RNPEP: variants seen among roughly 807,000 people sequenced by gnomAD.
RNPEP encodes the protein arginyl aminopeptidase.
A neutral mutation model predicts 70.1 loss-of-function variants in RNPEP; 57 were observed. The ratio of observed to expected loss-of-function variants is 0.81; its 90% CI spans 0.66 to 1.01. RNPEP has a LOEUF of 1.01. Among genes scored for constraint, RNPEP ranks in the 50% least tolerant of loss-of-function variants. The pLI is 0.00. For missense variants in RNPEP, 787 were observed against 852.4 expected, an observed-to-expected ratio of 0.92 and a Z score of 0.96; for synonymous variants, 335 against 357.4, an observed-to-expected ratio of 0.94 and a Z score of 0.71.
chr1:201,988,397 G>A, intron 1 of RNPEP, among the ~76,000 whole-genome samples: 1 of 146,552 alleles, frequency 6.8e-6, no homozygotes, highest in East Asian at 2.0e-4. Flanking sequence ...GGTCGAGGTT[G>A]CAGTGAGCCG....
At position 201,996,262 on chromosome 1, in the gene RNPEP, A is replaced by C; in HGVS notation, c.853A>C (p.Arg285=). Residue 285 remains arginine, a splice_region_variant and synonymous_variant, in exon 4 of 11, where the codon AGG becomes CGG. Transcript: ENST00000295640. ...GCTTTTTGGACCTTATGTTTGGGGA[A>C]GGTGTGGTATCACATTGACTCTAGT... is the stretch of plus-strand genomic sequence containing the variant. The part of the protein sequence containing the change: ...EKLFGPYVWG[R]YDLLFMPPSF... The C allele has an allele frequency of 1.3e-6, 2 of 1,597,222 alleles. No individual in the cohort carries two copies. The highest frequency in any genetic ancestry group is 1.7e-6 in the Non-Finnish European group (2 of 1,164,578).
chr1:201,984,149 C>G (rs1461131695), intron 1 of RNPEP, among the ~76,000 whole-genome samples: 1 of 152,158 alleles, frequency 6.6e-6, no homozygotes, highest in Non-Finnish European at 1.5e-5. Context: ...TCAGGCTGGT[C>G]TCGAACTCCT....
intron 5 of RNPEP, among the ~76,000 whole-genome samples, chr1:201,999,136 G>C (rs1475446418): frequency 6.6e-6 from 1 of 151,622 alleles, no homozygotes; most frequent in Non-Finnish European, 1.5e-5. Flanking sequence ...AGAATTGCTT[G>C]AATCCAGGAG....
chr1:201,990,639 G>A (rs1346262262), intron 3 of RNPEP, among the ~76,000 whole-genome samples: 1 of 148,046 alleles, frequency 6.8e-6, no homozygotes, highest in African/African-American at 2.5e-5. Context: ...TGGGCTCAGT[G>A]GCACTGCTGG....
intron 1 of RNPEP, 112 bp from the exon 2 acceptor site, chr1:201,988,792 G>A: frequency 3.0e-6 from 4 of 1,324,844 alleles, no homozygotes; most frequent in Non-Finnish European, 4.1e-6. Flanking sequence ...CTGGCTGGCG[G>A]AAAGGTTTTA....
intron 4 of RNPEP, 166 bp downstream of exon 4, chr1:201,996,429 CTG>C: frequency 1.5e-6 from 1 of 648,092 alleles, no homozygotes; most frequent in South Asian, 1.8e-5. Flanking sequence ...AGGCTTCTCA[CTG>C]TTGCTGAGGA....
rs372901203 is a variant in RNPEP, at chr1:201,988,886, G to A, written c.448-18G>A. 8 of 1,603,784 alleles carry A rather than the reference G, an allele frequency of 5.0e-6. No individual in the cohort carries two copies. The highest frequency in any genetic ancestry group is 1.3e-5 in the African/African-American group (1 of 74,478). ...GTGTGGGAGATGTCAGTTCTGAAAT[G>A]TTCTTCTTTTCGCTTAGGTTTGCTG... On this transcript the variant is annotated intron_variant, in intron 1 of 10. Coordinates refer to ENST00000295640, the MANE Select transcript of RNPEP (RefSeq NM_020216.4).
intron 1 of RNPEP, chr1:201,983,371 G>A: frequency 6.7e-7 from 1 of 1,499,844 alleles, no homozygotes; most frequent in Non-Finnish European, 8.9e-7. Flanking sequence ...GTCCTTCCGC[G>A]TCTCCTCCCT....
At chr1:201,998,783 A>G (rs1024490795) in intron 5 of RNPEP, among the ~76,000 whole-genome samples, 1 of 152,224 alleles carries the variant, frequency 6.6e-6, no homozygotes, top group African/African-American at 2.4e-5. Context: ...AGGAAAGGGC[A>G]GAGCTGGCTG....
At chr1:201,997,673 T>C in intron 5 of RNPEP, 119 bp downstream of exon 5, 1 of 666,606 alleles carries the variant, frequency 1.5e-6, no homozygotes, top group South Asian at 2.1e-5. Flanking sequence ...GGCAGTAGTG[T>C]GTATCCAACA....
Position 201,997,443 on chromosome 1 carries a change from A to C in RNPEP, c.979A>C (p.Ile327Leu). Reference sequence around the variant, plus strand: ...CTTGGCAGATGTCATCATCCATGAGATCTCCCACAGTTGGTTTGGGAACCT... The same window carrying C: ...CTTGGCAGATGTCATCATCCATGAGCTCTCCCACAGTTGGTTTGGGAACCT... ...RSLADVIIHE[I>L]SHSWFGNLVT... The change falls in exon 5 of 11, where the codon ATC becomes CTC. Residue 327 changes from isoleucine (I) to leucine (L), a missense_variant. Physicochemically the swap from Ile to Leu is conservative, Grantham distance 5 (BLOSUM62 2). Coordinates refer to ENST00000295640, the MANE Select transcript of RNPEP (RefSeq NM_020216.4). The C allele has an allele frequency of 6.2e-7, 1 of 1,613,976 alleles. No individual in the cohort carries two copies. Among genetic ancestry groups the C allele is most frequent in the Non-Finnish European group, 8.5e-7 (1 of 1,180,000 alleles).
In RNPEP at chr1:202,004,417, G is replaced by A. The variant is rs770961749; in HGVS notation, c.1715G>A (p.Arg572Gln). Reference protein sequence around the residue: ...SISNARNAELRLRWGQIVLKN... With the variant: ...SISNARNAELQLRWGQIVLKN... ...TCAAATGCCCGGAATGCAGAGCTCC[G>A]GCTGCGATGGGGCCAAATCGTCCTT... Residue 572 changes from arginine (R) to glutamine (Q), a missense_variant, in exon 10 of 11, where the codon CGG becomes CAG. Transcript: ENST00000295640. The A allele has an allele frequency of 7.9e-5, 128 of 1,614,022 alleles. No individual in the cohort carries two copies. The highest frequency in any genetic ancestry group is 3.0e-4 in the Admixed American group (18 of 60,004).
rs1684040813 is a variant in RNPEP, at chr1:202,005,772, G to A, written c.*56G>A. ...GGCTCTCCAGGCTTTCAGAATAATT[G>A]TTTGTTCCCAAATTCCTGTTCCCTG... On this transcript the variant is annotated 3_prime_UTR_variant, in exon 11 of 11. Coordinates refer to ENST00000295640, the MANE Select transcript of RNPEP (RefSeq NM_020216.4). The A allele has an allele frequency of 1.3e-6, 2 of 1,588,168 alleles. No individual in the cohort carries two copies. The highest frequency in any genetic ancestry group is 1.7e-6 in the Non-Finnish European group (2 of 1,158,418).
At chr1:201,986,902 G>A (rs1683150275) in intron 1 of RNPEP, among the ~76,000 whole-genome samples, 1 of 152,128 alleles carries the variant, frequency 6.6e-6, no homozygotes, top group African/African-American at 2.4e-5. Flanking sequence ...GACTGTCAGC[G>A]TTAACCTCGG....
intron 3 of RNPEP, among the ~76,000 whole-genome samples, chr1:201,992,558 T>C (rs555154198): frequency 2.0e-5 from 3 of 152,164 alleles, no homozygotes; most frequent in African/African-American, 7.2e-5. Context: ...TGTCTCCTCC[T>C]TGAGCTCATG....
rs760990980 is a variant in RNPEP at position 201,989,346 on chromosome 1, C to T, written c.589-37C>T. ...TTCAAACTAATCAAAAGGAAACTCTCTCCAGGTAAAATCTCCTAAGCTTTC... is the reference window on the plus strand; with the variant it reads ...TTCAAACTAATCAAAAGGAAACTCTTTCCAGGTAAAATCTCCTAAGCTTTC... On this transcript the variant is annotated intron_variant, in intron 2 of 10. Coordinates refer to ENST00000295640, the MANE Select transcript of RNPEP (RefSeq NM_020216.4). 9.3e-6 allele frequency: 15 copies of T among 1,606,156 alleles called. No homozygotes were observed. In the South Asian group the frequency reaches 1.7e-4, roughly 18 times the overall value.
chr1:202,004,425 T>A lies in RNPEP; in HGVS notation c.1723T>A (p.Trp575Arg), dbSNP rs1301741281. The change falls in exon 10 of 11, where the codon TGG becomes AGG. Residue 575 changes from tryptophan to arginine, a missense_variant. Physicochemically the swap from Trp to Arg is moderately radical, Grantham distance 101 (BLOSUM62 -3). Transcript: ENST00000295640. The stretch of plus-strand genomic sequence containing the variant: ...CCGGAATGCAGAGCTCCGGCTGCGA[T>A]GGGGCCAAATCGTCCTTAAGAACGA... Reference protein sequence around the residue: ...NARNAELRLRWGQIVLKNDHQ... With the variant: ...NARNAELRLRRGQIVLKNDHQ... 15 of 1,614,084 alleles carry A rather than the reference T, an allele frequency of 9.3e-6. No individual in the cohort carries two copies. Among genetic ancestry groups the A allele is most frequent in the Non-Finnish European group, 1.2e-5 (14 of 1,180,044 alleles).
chr1:201,998,148 A>T (rs1178653584), intron 5 of RNPEP, among the ~76,000 whole-genome samples: 3 of 151,262 alleles, frequency 2.0e-5, no homozygotes, highest in Admixed American at 6.6e-5. Flanking sequence ...ATGTTGACAA[A>T]TTTCCTTACA....
chr1:201,988,827 C>A (rs1411399063), intron 1 of RNPEP, 77 bp from the exon 2 acceptor site: 9 of 1,502,256 alleles, frequency 6.0e-6, no homozygotes, highest in Non-Finnish European at 8.0e-6. Flanking sequence ...TTCTCTCATT[C>A]CAGCCAGCTC....
Sources: gnomAD v4.1 joint callset for allele counts (sites outside exome capture counted in the v4.1 genomes callset) on GRCh38, gnomAD v4.1.1 for gene constraint, MANE v1.5 for transcripts, NCBI Gene and HGNC (gene_info 2026-07-23, HGNC 2026-07-21) for gene names.